Variants in AQR observed in about 807,000 individuals in gnomAD.
AQR encodes the protein aquarius intron-binding spliceosomal factor.
A neutral mutation model predicts 180.5 loss-of-function variants in AQR; 61 were observed. That is an observed-to-expected ratio of 0.34 (90% CI 0.28 to 0.42). The LOEUF (loss-of-function observed/expected upper bound fraction) is 0.42. AQR is among the 10% of genes least tolerant of loss of function. The pLI is 1.00. For missense variants in AQR, 1,281 were observed against 1,798.3 expected (o/e 0.71, Z 5.20); for synonymous variants, 551 against 588.8 (o/e 0.94, Z 0.93).
intron 14 of AQR, among the ~76,000 whole-genome samples, chr15:34,918,959 C>T (rs1371022647): frequency 6.6e-6 from 1 of 152,172 alleles, no homozygotes; most frequent in Non-Finnish European, 1.5e-5. Flanking sequence ...AAGTGTTACA[C>T]CGGGTGCAGT....
At chr15:34,912,940 C>T (rs6495724) in intron 16 of AQR, among the ~76,000 whole-genome samples, 110,737 of 152,058 alleles carry the variant, frequency 0.73, 41,867 homozygotes, top group Middle Eastern at 0.84. Flanking sequence ...CAATCAATGG[C>T]TTGGTTAGTA....
Position 34,857,109 on chromosome 15 carries a change from A to C in AQR, c.4144-3T>G. The C allele has an allele frequency of 6.5e-7, 1 of 1,536,712 alleles. No homozygotes were observed. Among genetic ancestry groups the C allele is most frequent in the Non-Finnish European group, 8.7e-7 (1 of 1,149,550 alleles). ...GCAGGTGGTAGTTGTAATAAAGTCT[A>C]ATTAAAAAAAAAAAAACAAAGACAA... On this transcript the variant is annotated splice_polypyrimidine_tract_variant and splice_region_variant and intron_variant, in intron 34 of 34. Coordinates refer to ENST00000156471, the MANE Select transcript of AQR (RefSeq NM_014691.3).
At chr15:34,922,907 C>T (rs1232783255) in intron 13 of AQR, among the ~76,000 whole-genome samples, 1 of 152,016 alleles carries the variant, frequency 6.6e-6, no homozygotes, top group Non-Finnish European at 1.5e-5. Context: ...AGCATCTTTC[C>T]ATGGGCTTAT....
chr15:34,916,705 C>G (rs777837912), intron 15 of AQR, among the ~76,000 whole-genome samples: 26 of 151,660 alleles, frequency 1.7e-4, no homozygotes, highest in Non-Finnish European at 3.2e-4. Context: ...CACACCACCA[C>G]CAAGAATCTT....
At chr15:34,893,817 G>C (rs374261813) in intron 22 of AQR, 44 bp from the exon 23 acceptor site, 8 of 1,527,264 alleles carry the variant, frequency 5.2e-6, no homozygotes, top group South Asian at 1.1e-5. Context: ...AGTCATCACA[G>C]TTATCACACA....
intron 27 of AQR, among the ~76,000 whole-genome samples, chr15:34,882,081 C>T (rs1490330439): frequency 6.6e-6 from 1 of 152,216 alleles, no homozygotes; most frequent in Non-Finnish European, 1.5e-5. Context: ...GCTGGGATTA[C>T]AGGCATGAGC....
intron 19 of AQR, among the ~76,000 whole-genome samples, chr15:34,903,621 T>C (rs1396837056): frequency 1.3e-5 from 2 of 151,930 alleles, no homozygotes; most frequent in Non-Finnish European, 2.9e-5. Context: ...TCTTAAAAAA[T>C]CACAACAACA....
intron 5 of AQR, among the ~76,000 whole-genome samples, chr15:34,947,175 C>A (rs1894140865): frequency 6.8e-6 from 1 of 147,126 alleles, no homozygotes. Context: ...AAGAAAAATT[C>A]TTCTGCCTTG....
At chr15:34,888,037 C>T (rs888818162) in intron 24 of AQR, among the ~76,000 whole-genome samples, 4 of 152,200 alleles carry the variant, frequency 2.6e-5, no homozygotes, top group Admixed American at 1.3e-4. Flanking sequence ...GTGGCTCACG[C>T]CTGTAATCCC....
chr15:34,955,196 T>C (rs1034006499), intron 3 of AQR, among the ~76,000 whole-genome samples: 2 of 152,182 alleles, frequency 1.3e-5, no homozygotes, highest in African/African-American at 4.8e-5. Flanking sequence ...ATTTGAAGGA[T>C]ATTTGGATGG....
chr15:34,927,904 G>A (rs1893789698), intron 12 of AQR, among the ~76,000 whole-genome samples: 1 of 152,180 alleles, frequency 6.6e-6, no homozygotes, highest in Admixed American at 6.5e-5. Context: ...TGTAAACAAG[G>A]AAATAAACAA....
At chr15:34,874,606 T>TATTCACA in intron 29 of AQR, 71 bp downstream of exon 29, 3 of 1,559,378 alleles carry the variant, frequency 1.9e-6, no homozygotes, top group African/African-American at 1.4e-5. Flanking sequence ...ACACAAAAGC[T>TATTCACA]ATTCACAAAT....
rs78398881 is a variant in AQR at position 34,950,444 on chromosome 15, G to A, written c.210-2060C>T. Among the ~76,000 whole-genome samples, 1,519 of 151,942 alleles carry A rather than the reference G, an allele frequency of 1.0e-2. 30 individuals are homozygous for A. The highest frequency in any genetic ancestry group is 0.035 in the African/African-American group (1,452 of 41,416). ...ATCTATTTTCTAGTTCATTCCCTCAGATCTATTTTCTAGTTCATTAATTCC... is the reference window on the plus strand; with the variant it reads ...ATCTATTTTCTAGTTCATTCCCTCAAATCTATTTTCTAGTTCATTAATTCC... On this transcript the variant is annotated intron_variant, in intron 4 of 34. Coordinates refer to ENST00000156471, the MANE Select transcript of AQR (RefSeq NM_014691.3).
chr15:34,920,902 G>A (rs1035476156), intron 13 of AQR, among the ~76,000 whole-genome samples: 3 of 152,130 alleles, frequency 2.0e-5, no homozygotes, highest in Non-Finnish European at 4.4e-5. Context: ...AGCTTGCAGT[G>A]AGCCGAGATC....
chr15:34,879,394 C>A (rs1367945493), intron 27 of AQR, among the ~76,000 whole-genome samples: 1 of 152,164 alleles, frequency 6.6e-6, no homozygotes, highest in Non-Finnish European at 1.5e-5. Flanking sequence ...CATGTTATCT[C>A]CTCTAGAATC....
chr15:34,945,589 A>G (rs1327843824), intron 5 of AQR, among the ~76,000 whole-genome samples: 1 of 152,214 alleles, frequency 6.6e-6, no homozygotes, highest in Non-Finnish European at 1.5e-5. Context: ...TATTTCTATA[A>G]TAGCTTGAAG....
At chr15:34,867,868 G>C (rs1026770365) in intron 31 of AQR, 35 of 306,968 alleles carry the variant, frequency 1.1e-4, no homozygotes, top group Non-Finnish European at 1.5e-4. Context: ...ACTATTTTTG[G>C]AATTAACAGT....
intron 8 of AQR, among the ~76,000 whole-genome samples, chr15:34,939,273 T>C (rs1893989514): frequency 6.6e-6 from 1 of 152,220 alleles, no homozygotes; most frequent in Non-Finnish European, 1.5e-5. Context: ...TCCACCATCT[T>C]GGCCAGGGTG....
chr15:34,935,133 T>A (rs1404810237), intron 9 of AQR, among the ~76,000 whole-genome samples: 1 of 152,136 alleles, frequency 6.6e-6, no homozygotes, highest in Non-Finnish European at 1.5e-5. Context: ...ATTATTTTTT[T>A]CCACTGTACA....
Sources: gnomAD v4.1 joint callset for allele counts (sites outside exome capture counted in the v4.1 genomes callset) on GRCh38, gnomAD v4.1.1 for gene constraint, MANE v1.5 for transcripts, NCBI Gene and HGNC (gene_info 2026-07-23, HGNC 2026-07-21) for gene names.